Variants in STK17A observed in about 807,000 individuals in gnomAD.
STK17A encodes serine/threonine kinase 17a.
A neutral mutation model predicts 43.7 loss-of-function variants in STK17A; 26 were observed. The ratio of observed to expected loss-of-function variants is 0.60; its 90% CI spans 0.44 to 0.83. STK17A has a LOEUF of 0.83. Ranked by LOEUF, STK17A falls within the 40% of genes least tolerant of loss-of-function variation. The pLI, the probability that STK17A is intolerant of heterozygous loss-of-function variation, is 0.00. For synonymous variants in STK17A, 191 were observed against 182.5 expected, an observed-to-expected ratio of 1.05 and a Z score of -0.38; for missense variants, 476 against 511.6, an observed-to-expected ratio of 0.93 and a Z score of 0.67.
intron 3 of STK17A, among the ~76,000 whole-genome samples, chr7:43,616,067 C>A (rs892134514): frequency 6.6e-6 from 1 of 152,154 alleles, no homozygotes; most frequent in African/African-American, 2.4e-5. Context: ...GTCTTGTTTT[C>A]TGTTATTTCC....
At chr7:43,622,990 T>C (rs1163090384) in intron 4 of STK17A, 1 of 152,440 alleles carries the variant, frequency 6.6e-6, no homozygotes, top group Non-Finnish European at 1.5e-5. Context: ...CCTCAAAGCA[T>C]ATTATTTTTC....
intron 1 of STK17A, among the ~76,000 whole-genome samples, chr7:43,586,778 T>G (rs915147093): frequency 1.3e-5 from 2 of 151,622 alleles, no homozygotes; most frequent in African/African-American, 4.8e-5. Flanking sequence ...AAAAAATATT[T>G]TAAGCCAAAA....
At chr7:43,593,290 C>T (rs1242048503) in intron 1 of STK17A, among the ~76,000 whole-genome samples, 1 of 152,154 alleles carries the variant, frequency 6.6e-6, no homozygotes, top group Admixed American at 6.5e-5. Flanking sequence ...ATTTTTAGTC[C>T]AGTCATCCAC....
At chr7:43,585,644 T>C (rs1203588751) in intron 1 of STK17A, among the ~76,000 whole-genome samples, 1 of 151,538 alleles carries the variant, frequency 6.6e-6, no homozygotes, top group East Asian at 1.9e-4. Flanking sequence ...CTTAAGAACA[T>C]TGGCTTTGGA....
intron 3 of STK17A, chr7:43,608,718 A>G (rs1260479606): frequency 5.2e-6 from 1 of 191,768 alleles, no homozygotes; most frequent in East Asian, 1.3e-4. Context: ...ATTGCTCACA[A>G]GAGTTAGGAA....
At chr7:43,615,600 T>G (rs548699277) in intron 3 of STK17A, among the ~76,000 whole-genome samples, 17 of 152,262 alleles carry the variant, frequency 1.1e-4, no homozygotes, top group African/African-American at 3.6e-4. Flanking sequence ...AGAAGCTAAT[T>G]AACAAAGAAA....
chr7:43,614,162 A>G (rs562448976), intron 3 of STK17A, among the ~76,000 whole-genome samples: 3 of 152,146 alleles, frequency 2.0e-5, no homozygotes, highest in Non-Finnish European at 2.9e-5. Context: ...TTAGCCGCCA[A>G]ATCTTCTCCA....
At chr7:43,611,091 T>C (rs1409569587) in intron 3 of STK17A, among the ~76,000 whole-genome samples, 2 of 152,240 alleles carry the variant, frequency 1.3e-5, no homozygotes, top group Non-Finnish European at 2.9e-5. Context: ...CACTCCAGCC[T>C]GGCTGACAGA....
At chr7:43,585,797 C>T (rs1361618850) in intron 1 of STK17A, among the ~76,000 whole-genome samples, 2 of 151,194 alleles carry the variant, frequency 1.3e-5, no homozygotes, top group Non-Finnish European at 3.0e-5. Context: ...TTAGGGGAAG[C>T]ACTCAATAAA....
At chr7:43,598,580 C>G (rs1465626866) in intron 2 of STK17A, among the ~76,000 whole-genome samples, 1 of 151,646 alleles carries the variant, frequency 6.6e-6, no homozygotes, top group Non-Finnish European at 1.5e-5. Context: ...CTCTGAAATA[C>G]TACGACAAAC....
intron 1 of STK17A, among the ~76,000 whole-genome samples, chr7:43,585,107 G>A (rs1310894684): frequency 6.6e-6 from 1 of 152,028 alleles, no homozygotes; most frequent in Non-Finnish European, 1.5e-5. Context: ...TGAGGTAGGC[G>A]AATCACTTGA....
intron 1 of STK17A, among the ~76,000 whole-genome samples, chr7:43,583,703 T>G (rs181730062): frequency 6.6e-6 from 1 of 152,196 alleles, no homozygotes; most frequent in Non-Finnish European, 1.5e-5. Context: ...CGCGGACACT[T>G]TCCTCAGCCC....
intron 2 of STK17A, among the ~76,000 whole-genome samples, chr7:43,601,611 T>C (rs2082555742): frequency 6.6e-6 from 1 of 151,026 alleles, no homozygotes; most frequent in African/African-American, 2.4e-5. Context: ...TTCACCCGGC[T>C]TCTGACTTTT....
At chr7:43,592,679 A>T (rs1302192275) in intron 1 of STK17A, among the ~76,000 whole-genome samples, 1 of 140,104 alleles carries the variant, frequency 7.1e-6, no homozygotes, top group Non-Finnish European at 1.5e-5. Context: ...ACGAAACCCC[A>T]TCTGTACTAA....
rs981506721 is a variant in STK17A, at chr7:43,626,807, A to G, written c.*1965A>G. 6.6e-6 allele frequency: 1 copy of G among 152,170 alleles called. No individual in the cohort carries two copies. The highest frequency in any genetic ancestry group is 2.4e-5 in the African/African-American group (1 of 41,444). The allele number at this position is 152,170 out of a possible 1,614,324, so 9.4% of individuals were successfully genotyped here. Reference sequence around the variant, plus strand: ...TATAATTGCTGTATTTGTGAGAAAGATCTGTTTTCTTTTAGCTGGCCACTT... The same window carrying G: ...TATAATTGCTGTATTTGTGAGAAAGGTCTGTTTTCTTTTAGCTGGCCACTT... On this transcript the variant is annotated 3_prime_UTR_variant, in exon 7 of 7. Coordinates refer to ENST00000319357, the MANE Select transcript of STK17A (RefSeq NM_004760.3).
chr7:43,595,664 T>C (rs2082510284), intron 1 of STK17A, among the ~76,000 whole-genome samples: 1 of 152,228 alleles, frequency 6.6e-6, no homozygotes, highest in African/African-American at 2.4e-5. Flanking sequence ...AAATGGACTT[T>C]AATATTTGTT....
intron 1 of STK17A, among the ~76,000 whole-genome samples, chr7:43,584,381 C>T (rs1011887201): frequency 3.3e-5 from 5 of 152,210 alleles, no homozygotes; most frequent in Non-Finnish European, 2.9e-5. Flanking sequence ...CTTTCCTCAT[C>T]CGTAAAATCG....
intron 4 of STK17A, among the ~76,000 whole-genome samples, chr7:43,621,228 A>G (rs549284982): frequency 2.0e-5 from 3 of 152,356 alleles, no homozygotes; most frequent in Non-Finnish European, 2.9e-5. Flanking sequence ...AATTTTTTAT[A>G]TATTTTAATG....
At chr7:43,619,465 C>A in intron 3 of STK17A, 132 bp from the exon 4 acceptor site, 3 of 1,178,498 alleles carry the variant, frequency 2.5e-6, no homozygotes, top group Non-Finnish European at 3.6e-6. Flanking sequence ...AAAAATATTT[C>A]TTTAACAAAT....
Sources: gnomAD v4.1 joint callset for allele counts (sites outside exome capture counted in the v4.1 genomes callset) on GRCh38, gnomAD v4.1.1 for gene constraint, MANE v1.5 for transcripts, NCBI Gene and HGNC (gene_info 2026-07-23, HGNC 2026-07-21) for gene names.